The following CYP39A1 variants were observed in gnomAD, a reference collection of about 807,000 sequenced individuals.
CYP39A1 encodes the protein cytochrome P450 family 39 subfamily A member 1, also known as 24-hydroxycholesterol 7-alpha-hydroxylase.
Under a neutral mutation model 58.1 loss-of-function variants are expected in CYP39A1, and 49 were observed. The ratio of observed to expected loss-of-function variants is 0.84; its 90% CI spans 0.67 to 1.07. CYP39A1 has a LOEUF of 1.07. CYP39A1 is among the 50% of genes least tolerant of loss of function. The probability of loss-of-function intolerance (pLI) is 0.00; values close to 1 mark genes in which losing one functional copy is unlikely to be tolerated. For missense variants in CYP39A1, 531 were observed against 539.4 expected, an observed-to-expected ratio of 0.98 and a Z score of 0.16; for synonymous variants, 209 against 187.6, an observed-to-expected ratio of 1.11 and a Z score of -0.93.
At chr6:46,603,572 C>T (rs961911278) in intron 7 of CYP39A1, among the ~76,000 whole-genome samples, 1 of 152,188 alleles carries the variant, frequency 6.6e-6, no homozygotes, top group African/African-American at 2.4e-5. Flanking sequence ...CCCAAACTCT[C>T]TTTGGAAAAA....
Position 46,578,454 on chromosome 6 carries a change from G to A in CYP39A1, c.1250+8623C>T, listed in dbSNP as rs140900311. 6.5e-3 allele frequency among the ~76,000 whole-genome samples: 986 copies of A among 151,676 alleles called. 9 individuals are homozygous for A. Among genetic ancestry groups the A allele is most frequent in the African/African-American group, 9.0e-3 (372 of 41,452 alleles). On this transcript the variant is annotated intron_variant, in intron 10 of 11. Transcript: ENST00000275016. ...TGACCAAAACTGAGATGCAAAAATCGAGACGCAAAAATCCATACAAAAGAT... is the reference window on the plus strand; with the variant it reads ...TGACCAAAACTGAGATGCAAAAATCAAGACGCAAAAATCCATACAAAAGAT...
intron 7 of CYP39A1, among the ~76,000 whole-genome samples, chr6:46,598,090 T>C (rs965904651): frequency 6.6e-6 from 1 of 152,160 alleles, no homozygotes; most frequent in Non-Finnish European, 1.5e-5. Flanking sequence ...ATTTGCAAGA[T>C]GTCAAACGTA....
At chr6:46,564,471 C>T (rs969337092) in intron 10 of CYP39A1, among the ~76,000 whole-genome samples, 34 of 152,066 alleles carry the variant, frequency 2.2e-4, no homozygotes, top group Non-Finnish European at 8.8e-5. Flanking sequence ...GCTGGGATTA[C>T]AGGTGTGAGC....
intron 1 of CYP39A1, among the ~76,000 whole-genome samples, chr6:46,646,072 GT>G (rs1762302918): frequency 6.6e-6 from 1 of 151,984 alleles, no homozygotes. Context: ...AATTAAGACA[GT>G]TTTATTTCTT....
intron 10 of CYP39A1, among the ~76,000 whole-genome samples, chr6:46,578,562 AG>A (rs1771964332): frequency 2.0e-5 from 3 of 152,114 alleles, no homozygotes; most frequent in Non-Finnish European, 4.4e-5. Context: ...AGAAAAAAAA[AG>A]AGAAAAGATC....
chr6:46,578,277 T>C (rs1216778524), intron 10 of CYP39A1, among the ~76,000 whole-genome samples: 1 of 151,472 alleles, frequency 6.6e-6, no homozygotes, highest in Non-Finnish European at 1.5e-5. Flanking sequence ...GCTAAATCAG[T>C]GGTAAGAGGA....
chr6:46,586,155 T>C, intron 10 of CYP39A1: 2 of 901,726 alleles, frequency 2.2e-6, no homozygotes, highest in Non-Finnish European at 2.7e-6. Flanking sequence ...ACTAATACTC[T>C]AAACACATGA....
intron 10 of CYP39A1, among the ~76,000 whole-genome samples, chr6:46,582,464 T>C (rs1001136260): frequency 6.6e-6 from 1 of 152,170 alleles, no homozygotes; most frequent in Admixed American, 6.5e-5. Context: ...ATCACTAACA[T>C]ATAGGTATAT....
intron 7 of CYP39A1, among the ~76,000 whole-genome samples, chr6:46,597,964 C>T (rs1405146526): frequency 6.6e-6 from 1 of 152,066 alleles, no homozygotes; most frequent in Non-Finnish European, 1.5e-5. Context: ...GCAGGCATTG[C>T]CCAACAAAAC....
chr6:46,648,681 T>G (rs1762482918), intron 1 of CYP39A1, among the ~76,000 whole-genome samples: 2 of 151,816 alleles, frequency 1.3e-5, no homozygotes, highest in African/African-American at 4.8e-5. Context: ...TAAAAAAAAA[T>G]TATAAACCTA....
At chr6:46,608,525 A>G (rs1190264978) in intron 7 of CYP39A1, among the ~76,000 whole-genome samples, 3 of 152,144 alleles carry the variant, frequency 2.0e-5, no homozygotes, top group Non-Finnish European at 4.4e-5. Flanking sequence ...AAAATTATAT[A>G]TCTATTTTTT....
At chr6:46,634,756 A>C (rs1015015187) in intron 5 of CYP39A1, among the ~76,000 whole-genome samples, 1 of 152,104 alleles carries the variant, frequency 6.6e-6, no homozygotes. Flanking sequence ...TTCTGACCTT[A>C]GGTGATCCAC....
chr6:46,615,592 T>A (rs957688273), intron 7 of CYP39A1, among the ~76,000 whole-genome samples: 10 of 152,320 alleles, frequency 6.6e-5, no homozygotes, highest in African/African-American at 9.6e-5. Flanking sequence ...CTCTTTTTTT[T>A]ATTTAAAAAT....
intron 10 of CYP39A1, among the ~76,000 whole-genome samples, chr6:46,566,517 A>C (rs760466551): frequency 7.2e-5 from 11 of 152,122 alleles, no homozygotes; most frequent in Non-Finnish European, 1.6e-4. Context: ...ACTCACTATC[A>C]TGAGAACAGC....
Position 46,602,023 on chromosome 6 carries a change from C to T in CYP39A1, c.932-5903G>A, listed in dbSNP as rs187464650. 8.2e-4 allele frequency among the ~76,000 whole-genome samples: 125 copies of T among 152,102 alleles called. 1 individual carries two copies. The highest frequency in any genetic ancestry group is 2.2e-3 in the Admixed American group (33 of 15,266). ...TAATATATAAAATAACCCGGGATCC[C>T]CCAAATAGGATGTGATTACATGTGT... On this transcript the variant is annotated intron_variant, in intron 7 of 11. Coordinates refer to ENST00000275016, the MANE Select transcript of CYP39A1 (RefSeq NM_016593.5).
intron 10 of CYP39A1, among the ~76,000 whole-genome samples, chr6:46,563,339 C>T (rs1334676957): frequency 6.6e-6 from 1 of 152,090 alleles, no homozygotes; most frequent in Admixed American, 6.5e-5. Context: ...AATGTCAAAA[C>T]AGTGAAAATA....
chr6:46,584,971 A>G (rs1772379292), intron 10 of CYP39A1, among the ~76,000 whole-genome samples: 1 of 152,112 alleles, frequency 6.6e-6, no homozygotes, highest in South Asian at 2.1e-4. Flanking sequence ...AACATGTCTT[A>G]CTCATGCTCA....
intron 7 of CYP39A1, among the ~76,000 whole-genome samples, chr6:46,613,774 A>G (rs1270878416): frequency 6.6e-6 from 1 of 151,600 alleles, no homozygotes; most frequent in African/African-American, 2.4e-5. Flanking sequence ...CTGAATTAGA[A>G]ATGAAAATTA....
chr6:46,595,015 G>A (rs370650009), intron 8 of CYP39A1, among the ~76,000 whole-genome samples: 102 of 152,020 alleles, frequency 6.7e-4, no homozygotes, highest in African/African-American at 2.2e-3. Context: ...AATCTGAATA[G>A]ACATTTCTCA....
Sources: allele counts gnomAD v4.1 joint callset (sites outside exome capture counted in the v4.1 genomes callset), GRCh38; gene constraint gnomAD v4.1.1; transcripts MANE v1.5; gene names NCBI Gene and HGNC (gene_info 2026-07-23, HGNC 2026-07-21).